STK31: variants seen among roughly 807,000 people sequenced by gnomAD.
STK31 encodes serine/threonine-protein kinase 31.
Under a neutral mutation model 129.7 loss-of-function variants are expected in STK31, and 89 were observed. The observed-to-expected ratio is 0.69, with a 90% CI of 0.58 to 0.82. The LOEUF is 0.82. Ranked by LOEUF, STK31 falls within the 40% of genes least tolerant of loss-of-function variation. The pLI is 0.00. For missense variants in STK31, 1,187 were observed against 1,176.4 expected (o/e 1.01, Z -0.13); for synonymous variants, 448 against 395.3 (o/e 1.13, Z -1.58).
At chr7:23,753,417 T>G (rs1453658918) in intron 9 of STK31, among the ~76,000 whole-genome samples, 1 of 152,138 alleles carries the variant, frequency 6.6e-6, no homozygotes, top group African/African-American at 2.4e-5. Context: ...CCAGGATTGG[T>G]TCCTACCTTA....
chr7:23,775,142 A>T (rs1001556468), intron 15 of STK31, among the ~76,000 whole-genome samples: 1 of 152,030 alleles, frequency 6.6e-6, no homozygotes, highest in Non-Finnish European at 1.5e-5. Flanking sequence ...ATGGTTGTAG[A>T]TGTGTGACAT....
At chr7:23,797,894 A>G (rs1371399748) in intron 22 of STK31, among the ~76,000 whole-genome samples, 2 of 152,190 alleles carry the variant, frequency 1.3e-5, no homozygotes, top group Non-Finnish European at 2.9e-5. Context: ...TCAAATAGAC[A>G]CAATAAAAAA....
intron 15 of STK31, among the ~76,000 whole-genome samples, chr7:23,772,671 G>T (rs564463125): frequency 6.6e-6 from 1 of 152,070 alleles, no homozygotes; most frequent in Non-Finnish European, 1.5e-5. Context: ...TAAGATCATG[G>T]TATCTTTTGT....
At chr7:23,761,051 G>A (rs1185909944) in intron 10 of STK31, among the ~76,000 whole-genome samples, 1 of 152,062 alleles carries the variant, frequency 6.6e-6, no homozygotes, top group Non-Finnish European at 1.5e-5. Flanking sequence ...CCACACTATT[G>A]ATATTAAAAT....
At chr7:23,815,082 C>G in intron 22 of STK31, 62 bp from the exon 23 acceptor site, 1 of 1,216,928 alleles carries the variant, frequency 8.2e-7, no homozygotes, top group African/African-American at 1.5e-5. Context: ...CCAGAGTTGA[C>G]TCTTCTATAG....
intron 23 of STK31, among the ~76,000 whole-genome samples, chr7:23,824,558 A>G (rs1033943439): frequency 1.3e-5 from 2 of 152,154 alleles, no homozygotes; most frequent in African/African-American, 4.8e-5. Context: ...GGACAATTGG[A>G]CTTCCTCTTT....
chr7:23,819,283 A>C (rs191876767), intron 23 of STK31, among the ~76,000 whole-genome samples: 4 of 152,326 alleles, frequency 2.6e-5, no homozygotes, highest in Non-Finnish European at 1.5e-5. Flanking sequence ...TCATTTATCA[A>C]ATATTTACTG....
chr7:23,795,465 T>C (rs1791895702), intron 22 of STK31, among the ~76,000 whole-genome samples: 1 of 152,158 alleles, frequency 6.6e-6, no homozygotes, highest in African/African-American at 2.4e-5. Context: ...GATACTCTGC[T>C]AAGACAGTGC....
At chr7:23,787,757 CACACACACACACACACACACACACAA>C (rs1435408715) in intron 20 of STK31, among the ~76,000 whole-genome samples, 197 bp from the exon 21 acceptor site, 45 of 150,980 alleles carry the variant, frequency 3.0e-4, no homozygotes, top group African/African-American at 1.1e-3. Flanking sequence ...CACACACACA[CACACACACACACACACACACACACAA>C]ACACACACAG....
intron 15 of STK31, among the ~76,000 whole-genome samples, chr7:23,777,152 T>G (rs1790604663): frequency 6.6e-6 from 1 of 152,230 alleles, no homozygotes; most frequent in South Asian, 2.1e-4. Flanking sequence ...TTCTCAATCT[T>G]AAGTTCTACT....
chr7:23,774,656 C>T (rs912552731), intron 15 of STK31, among the ~76,000 whole-genome samples: 1 of 151,970 alleles, frequency 6.6e-6, no homozygotes, highest in African/African-American at 2.4e-5. Flanking sequence ...TTGTTTAAGT[C>T]GTGGTAGATT....
intron 23 of STK31, among the ~76,000 whole-genome samples, chr7:23,828,007 G>C (rs1029663971): frequency 1.3e-5 from 2 of 152,186 alleles, no homozygotes; most frequent in African/African-American, 4.8e-5. Context: ...CACCCGTACT[G>C]GGGGGTGCCT....
At chr7:23,727,968 A>G (rs1787188383) in intron 5 of STK31, among the ~76,000 whole-genome samples, 1 of 150,810 alleles carries the variant, frequency 6.6e-6, no homozygotes, top group Non-Finnish European at 1.5e-5. Context: ...TTCTGAAGTT[A>G]GGTATATCTT....
intron 22 of STK31, among the ~76,000 whole-genome samples, chr7:23,796,899 A>G (rs765636427): frequency 2.0e-5 from 3 of 151,884 alleles, no homozygotes; most frequent in Non-Finnish European, 4.4e-5. Context: ...TAGGCTCAAA[A>G]TAAAGGGATG....
chr7:23,735,095 C>T (rs547513498), intron 6 of STK31, among the ~76,000 whole-genome samples: 19 of 151,998 alleles, frequency 1.3e-4, no homozygotes, highest in Non-Finnish European at 2.2e-4. Flanking sequence ...TGCTTCTGCT[C>T]GTCTTACTTT....
chr7:23,730,874 A>ATTTTT (rs1460221456), intron 6 of STK31, among the ~76,000 whole-genome samples: 6 of 59,720 alleles, frequency 1.0e-4, no homozygotes, highest in Non-Finnish European at 1.7e-4. Context: ...ATATATATAT[A>ATTTTT]TATATTTTTT....
intron 4 of STK31, among the ~76,000 whole-genome samples, chr7:23,725,579 T>A (rs1787012705): frequency 6.6e-6 from 1 of 152,048 alleles, no homozygotes. Context: ...GATTTTTGTA[T>A]CCTTCCCAAT....
intron 10 of STK31, among the ~76,000 whole-genome samples, chr7:23,757,386 A>AT (rs2128096352): frequency 6.6e-6 from 1 of 152,226 alleles, no homozygotes; most frequent in Non-Finnish European, 1.5e-5. Context: ...TTCCCTCAGT[A>AT]TTTATTGATC....
At chr7:23,792,145 G>T (rs1222098607) in intron 22 of STK31, among the ~76,000 whole-genome samples, 1 of 151,768 alleles carries the variant, frequency 6.6e-6, no homozygotes. Flanking sequence ...AGTGTAATAA[G>T]GTCAAAAAAA....
Sources: gnomAD v4.1 joint callset for allele counts (sites outside exome capture counted in the v4.1 genomes callset) on GRCh38, gnomAD v4.1.1 for gene constraint, MANE v1.5 for transcripts, NCBI Gene and HGNC (gene_info 2026-07-23, HGNC 2026-07-21) for gene names.